The following EEF2K variants were observed in gnomAD, a reference collection of about 807,000 sequenced individuals.
EEF2K encodes alternative protein EEF2K.
In EEF2K, 70 loss-of-function variants were observed where a neutral mutation model predicts 93.8. That is an observed-to-expected ratio of 0.75 (90% confidence interval 0.62 to 0.91). The LOEUF (loss-of-function observed/expected upper bound fraction) is 0.91, where lower values mean the gene tolerates loss of function less well. EEF2K is among the 40% of genes least tolerant of loss of function. The pLI, the probability that EEF2K is intolerant of heterozygous loss-of-function variation, is 0.00. For missense variants in EEF2K, 935 were observed against 972.9 expected (o/e 0.96, Z 0.52); for synonymous variants, 376 against 380.8 (o/e 0.99, Z 0.15).
intron 1 of EEF2K, among the ~76,000 whole-genome samples, chr16:22,210,389 C>A (rs192610921): frequency 5.8e-4 from 89 of 152,320 alleles, no homozygotes; most frequent in Admixed American, 1.9e-3. Context: ...GCATCCCCAG[C>A]AGGACTTGCT....
intron 2 of EEF2K, 86 bp downstream of exon 2, chr16:22,226,061 T>A (rs371325434): frequency 3.2e-6 from 5 of 1,555,928 alleles, no homozygotes; most frequent in Non-Finnish European, 3.5e-6. Context: ...GGGGACTTCT[T>A]CGTATTTCCA....
intron 2 of EEF2K, among the ~76,000 whole-genome samples, chr16:22,234,709 C>T (rs1161295607): frequency 2.0e-5 from 3 of 151,962 alleles, no homozygotes; most frequent in African/African-American, 7.3e-5. Flanking sequence ...TTCTATACCC[C>T]TTAGCCATCA....
At position 22,286,152 on chromosome 16, in the gene EEF2K, CTCA is replaced by C. The variant is rs773517095; in HGVS notation, c.*2161_*2163del. ...ATGACAGTGACTTTTTCAATATGGACTCATCATAGCCAGTTTTCCTTTTGAAGT... is the reference window on the plus strand; with the variant it reads ...ATGACAGTGACTTTTTCAATATGGACTCATAGCCAGTTTTCCTTTTGAAGT... On this transcript the variant is annotated 3_prime_UTR_variant, in exon 18 of 18. Transcript: ENST00000263026. 14 of 152,186 alleles carry C rather than the reference CTCA, an allele frequency of 9.2e-5. No individual in the cohort carries two copies. The highest frequency in any genetic ancestry group is 1.4e-4 in the African/African-American group (6 of 41,458). 9.4% of individuals were successfully genotyped at this position (152,186 alleles called of 1,614,324 possible).
intron 15 of EEF2K, among the ~76,000 whole-genome samples, chr16:22,268,368 A>AC (rs754796855): frequency 1.7e-4 from 26 of 151,844 alleles, no homozygotes; most frequent in Non-Finnish European, 2.6e-4. Flanking sequence ...ACAGAGCTTC[A>AC]CCATGTTGGC....
intron 11 of EEF2K, among the ~76,000 whole-genome samples, chr16:22,261,264 A>C (rs1287934704): frequency 1.3e-5 from 2 of 152,016 alleles, no homozygotes; most frequent in African/African-American, 4.8e-5. Flanking sequence ...AGTCCCAGCT[A>C]CTCAGGAGGC....
intron 15 of EEF2K, among the ~76,000 whole-genome samples, chr16:22,272,730 C>T (rs1209277179): frequency 6.6e-6 from 1 of 151,160 alleles, no homozygotes; most frequent in African/African-American, 2.4e-5. Flanking sequence ...GGCTTGATCT[C>T]GGTTCACTGC....
intron 16 of EEF2K, among the ~76,000 whole-genome samples, chr16:22,274,266 C>T (rs2047613530): frequency 6.6e-6 from 1 of 152,000 alleles, no homozygotes; most frequent in African/African-American, 2.4e-5. Flanking sequence ...CATGGTGAAA[C>T]CCCATCTCTA....
chr16:22,210,097 A>C (rs969653488), intron 1 of EEF2K, among the ~76,000 whole-genome samples: 4 of 151,920 alleles, frequency 2.6e-5, no homozygotes, highest in African/African-American at 4.9e-5. Context: ...CAACCATATA[A>C]GAAGGCTTCA....
Position 22,229,759 on chromosome 16 carries a change from G to A in EEF2K, c.246+3784G>A, listed in dbSNP as rs547712960. Reference sequence around the variant, plus strand: ...GGACTTTTTATAATAACTGGTGGGGGTAAAAAATCAAAAGTGCAATACCAT... The same window carrying A: ...GGACTTTTTATAATAACTGGTGGGGATAAAAAATCAAAAGTGCAATACCAT... On this transcript the variant is annotated intron_variant, in intron 2 of 17. Transcript: ENST00000263026. Among the ~76,000 whole-genome samples the A allele has an allele frequency of 3.9e-5, 6 of 152,102 alleles. No individual in the cohort carries two copies. The South Asian group carries it at 1.0e-3, about 26-fold the overall frequency.
chr16:22,221,733 C>A (rs1172626443), intron 1 of EEF2K, among the ~76,000 whole-genome samples: 1 of 152,112 alleles, frequency 6.6e-6, no homozygotes, highest in South Asian at 2.1e-4. Flanking sequence ...CTAAAGCAAT[C>A]CAGCTTTGTA....
chr16:22,278,871 G>A (rs928470563), intron 16 of EEF2K, among the ~76,000 whole-genome samples: 3 of 152,122 alleles, frequency 2.0e-5, no homozygotes, highest in African/African-American at 7.2e-5. Flanking sequence ...GAGGGTCGAC[G>A]GGCAGAGCTG....
chr16:22,229,719 A>G (rs1396385602), intron 2 of EEF2K, among the ~76,000 whole-genome samples: 1 of 152,182 alleles, frequency 6.6e-6, no homozygotes, highest in Non-Finnish European at 1.5e-5. Flanking sequence ...AAGAGGGGGA[A>G]AGGCGAACAT....
intron 8 of EEF2K, 74 bp from the exon 9 acceptor site, chr16:22,257,569 G>A (rs1263866634): frequency 1.3e-6 from 2 of 1,583,418 alleles, no homozygotes; most frequent in East Asian, 2.2e-5. Flanking sequence ...CTGGCCATAT[G>A]TATGAGGCCC....
chr16:22,211,204 T>C (rs1316411317), intron 1 of EEF2K, among the ~76,000 whole-genome samples: 1 of 152,142 alleles, frequency 6.6e-6, no homozygotes, highest in Non-Finnish European at 1.5e-5. Context: ...GTTGAGTAGA[T>C]GAATTTTACA....
chr16:22,269,191 T>C (rs2047553238), intron 15 of EEF2K, among the ~76,000 whole-genome samples: 1 of 152,166 alleles, frequency 6.6e-6, no homozygotes, highest in Admixed American at 6.6e-5. Flanking sequence ...AGTAGAGCCA[T>C]GCCTTCCTCT....
At chr16:22,214,268 C>T (rs1251835721) in intron 1 of EEF2K, among the ~76,000 whole-genome samples, 2 of 151,836 alleles carry the variant, frequency 1.3e-5, no homozygotes, top group East Asian at 3.9e-4. Context: ...TTTCTGGAGG[C>T]CAGGTGCAGT....
intron 2 of EEF2K, among the ~76,000 whole-genome samples, chr16:22,236,335 A>C (rs1386138440): frequency 7.5e-6 from 1 of 134,072 alleles, no homozygotes; most frequent in Non-Finnish European, 1.6e-5. Context: ...TCTGAGTTGT[A>C]TTTCTTTTTT....
chr16:22,235,647 A>G (rs2047160766), intron 2 of EEF2K, among the ~76,000 whole-genome samples: 1 of 151,848 alleles, frequency 6.6e-6, no homozygotes, highest in Non-Finnish European at 1.5e-5. Context: ...ACAGGCATGC[A>G]CCACCACGCC....
In EEF2K at chr16:22,220,811, G is replaced by A. The variant is rs182380643; in HGVS notation, c.-76-4843G>A. Among the ~76,000 whole-genome samples, 376 of 152,314 alleles carry A rather than the reference G, an allele frequency of 2.5e-3. 2 individuals carry two copies. Among genetic ancestry groups the A allele is most frequent in the South Asian group, 0.014 (66 of 4,830 alleles). On this transcript the variant is annotated intron_variant, in intron 1 of 17. Coordinates refer to ENST00000263026, the MANE Select transcript of EEF2K (RefSeq NM_013302.5). ...GTCTGCAGCTTGGGGCTGTGGTTCTGGCCCTCCTCCTGGCACTGTCCTGGC... is the reference window on the plus strand; with the variant it reads ...GTCTGCAGCTTGGGGCTGTGGTTCTAGCCCTCCTCCTGGCACTGTCCTGGC...
Sources: allele counts gnomAD v4.1 joint callset (sites outside exome capture counted in the v4.1 genomes callset), GRCh38; gene constraint gnomAD v4.1.1; transcripts MANE v1.5; gene names NCBI Gene and HGNC (gene_info 2026-07-23, HGNC 2026-07-21).